VAV3: variants seen among roughly 807,000 people sequenced by gnomAD.
VAV3 encodes vav guanine nucleotide exchange factor 3, also known as guanine nucleotide exchange factor VAV3.
Under a neutral mutation model 131.2 loss-of-function variants are expected in VAV3, and 94 were observed. The observed-to-expected ratio is 0.72, with a 90% CI of 0.61 to 0.85. The LOEUF is 0.85. Among genes scored for constraint, VAV3 ranks in the 40% least tolerant of loss-of-function variants. VAV3 has a pLI of 0.00. For synonymous variants in VAV3, 349 were observed against 342.0 expected, an observed-to-expected ratio of 1.02 and a Z score of -0.22; for missense variants, 939 against 1,002.7, an observed-to-expected ratio of 0.94 and a Z score of 0.86.
At chr1:107,708,254 G>A (rs991469303) in intron 15 of VAV3, among the ~76,000 whole-genome samples, 1 of 152,172 alleles carries the variant, frequency 6.6e-6, no homozygotes, top group Non-Finnish European at 1.5e-5. Flanking sequence ...TAAGACAAGC[G>A]TGGATATAGT....
chr1:107,944,794 C>T (rs2101293366), intron 1 of VAV3, among the ~76,000 whole-genome samples: 1 of 152,160 alleles, frequency 6.6e-6, no homozygotes, highest in African/African-American at 2.4e-5. Flanking sequence ...TTAGTAGAGA[C>T]AGGGTTTCAC....
chr1:107,897,858 A>G (rs1388856681), intron 1 of VAV3, among the ~76,000 whole-genome samples: 2 of 152,112 alleles, frequency 1.3e-5, no homozygotes, highest in South Asian at 2.1e-4. Context: ...TTATTGCTGT[A>G]CCTTACTTTC....
At position 107,819,396 on chromosome 1, in the gene VAV3, G is replaced by A. The variant is rs114817558; in HGVS notation, c.322-39904C>T. Among the ~76,000 whole-genome samples the A allele has an allele frequency of 5.0e-3, 753 of 151,856 alleles. 2 individuals are homozygous for A. Among genetic ancestry groups the A allele is most frequent in the Middle Eastern group, 0.014 (4 of 294 alleles). ...CAAGAGAAAATGATATTAGAGACAG[G>A]CACAGTGGCTTGAGGCTATAATCCC... On this transcript the variant is annotated intron_variant, in intron 2 of 26. Coordinates refer to ENST00000370056, the MANE Select transcript of VAV3 (RefSeq NM_006113.5).
At chr1:107,847,666 G>A (rs1349044952) in intron 2 of VAV3, among the ~76,000 whole-genome samples, 1 of 152,014 alleles carries the variant, frequency 6.6e-6, no homozygotes, top group East Asian at 1.9e-4. Flanking sequence ...ACTAGAAAAT[G>A]AAGAAGAAAT....
At chr1:107,618,459 G>T (rs1031453981) in intron 20 of VAV3, among the ~76,000 whole-genome samples, 1 of 152,134 alleles carries the variant, frequency 6.6e-6, no homozygotes, top group Non-Finnish European at 1.5e-5. Context: ...AAAGAAATAG[G>T]ATACTTATTA....
At chr1:107,816,985 AC>A (rs1431420477) in intron 2 of VAV3, among the ~76,000 whole-genome samples, 1 of 152,194 alleles carries the variant, frequency 6.6e-6, no homozygotes, top group Non-Finnish European at 1.5e-5. Flanking sequence ...AGTTCAGTAT[AC>A]CACACACCCT....
intron 2 of VAV3, among the ~76,000 whole-genome samples, chr1:107,780,991 C>T (rs779695093): frequency 6.6e-5 from 10 of 152,076 alleles, no homozygotes; most frequent in Non-Finnish European, 2.9e-5. Flanking sequence ...GAGACAGGAA[C>T]ATAAAAATGA....
chr1:107,827,827 CAG>C (rs1668080238), intron 2 of VAV3, among the ~76,000 whole-genome samples: 1 of 152,132 alleles, frequency 6.6e-6, no homozygotes, highest in Non-Finnish European at 1.5e-5. Flanking sequence ...TATGAGAAGT[CAG>C]AATCAAAATT....
chr1:107,832,622 T>C (rs943473907), intron 2 of VAV3, among the ~76,000 whole-genome samples: 1 of 152,250 alleles, frequency 6.6e-6, no homozygotes, highest in Non-Finnish European at 1.5e-5. Context: ...CTCTTCCAAC[T>C]GTCTAATATC....
intron 15 of VAV3, among the ~76,000 whole-genome samples, chr1:107,715,455 C>T (rs1570809551): frequency 6.6e-6 from 1 of 152,082 alleles, no homozygotes; most frequent in African/African-American, 2.4e-5. Flanking sequence ...TGAGATAATG[C>T]TTTTCTTGTA....
chr1:107,730,377 G>T (rs1006915202), intron 15 of VAV3, among the ~76,000 whole-genome samples: 1 of 152,130 alleles, frequency 6.6e-6, no homozygotes, highest in Non-Finnish European at 1.5e-5. Context: ...CAGACCATGA[G>T]GCTTTCCTTC....
chr1:107,650,560 TTTA>T (rs565363780), intron 19 of VAV3, among the ~76,000 whole-genome samples: 15 of 149,944 alleles, frequency 1.0e-4, no homozygotes, highest in African/African-American at 2.2e-4. Flanking sequence ...TATTTATTTA[TTTA>T]TTATTATTAT....
intron 1 of VAV3, among the ~76,000 whole-genome samples, chr1:107,885,669 T>G (rs1384856514): frequency 6.6e-6 from 1 of 152,092 alleles, no homozygotes; most frequent in Admixed American, 6.5e-5. Flanking sequence ...AGTACTTACC[T>G]GATACAGGTA....
In VAV3 at chr1:107,959,106, C is replaced by T. The variant is rs187322771; in HGVS notation, c.204+5560G>A. Among the ~76,000 whole-genome samples, 4 of 151,950 alleles carry T rather than the reference C, an allele frequency of 2.6e-5. No homozygotes were observed. In the East Asian group the frequency reaches 7.7e-4, roughly 29 times the overall value. On this transcript the variant is annotated intron_variant, in intron 1 of 26. Transcript: ENST00000370056. ...GTAAAACCCCGTCTCTACTAAAATA[C>T]AAAAATTAGCCAGGCGTGGTAGCAC...
intron 22 of VAV3, among the ~76,000 whole-genome samples, chr1:107,606,960 T>TTC (rs1652325177): frequency 1.3e-5 from 2 of 149,040 alleles, no homozygotes; most frequent in South Asian, 4.3e-4. Flanking sequence ...AGTCTGATCT[T>TTC]TTTTTTTTTT....
chr1:107,765,308 A>C, intron 8 of VAV3, 133 bp from the exon 9 acceptor site: 1 of 686,010 alleles, frequency 1.5e-6, no homozygotes, highest in Non-Finnish European at 2.6e-6. Flanking sequence ...ATTATTTTTA[A>C]TACATACCAC....
At chr1:107,912,267 C>T (rs1179277091) in intron 1 of VAV3, among the ~76,000 whole-genome samples, 1 of 152,130 alleles carries the variant, frequency 6.6e-6, no homozygotes, top group Non-Finnish European at 1.5e-5. Context: ...AAATACTAAA[C>T]AAAACTAATG....
At chr1:107,800,548 T>C (rs1336506633) in intron 2 of VAV3, among the ~76,000 whole-genome samples, 3 of 152,152 alleles carry the variant, frequency 2.0e-5, no homozygotes, top group African/African-American at 7.2e-5. Context: ...AACTCATATT[T>C]TAGATTCAGG....
chr1:107,945,819 A>G (rs1184525240), intron 1 of VAV3, among the ~76,000 whole-genome samples: 2 of 43,902 alleles, frequency 4.6e-5, no homozygotes, highest in Non-Finnish European at 1.0e-4. Flanking sequence ...CAAAACTCCG[A>G]CTCAAAAAAA....
Sources: gnomAD v4.1 joint callset for allele counts (sites outside exome capture counted in the v4.1 genomes callset) on GRCh38, gnomAD v4.1.1 for gene constraint, MANE v1.5 for transcripts, NCBI Gene and HGNC (gene_info 2026-07-23, HGNC 2026-07-21) for gene names.